ZNF804B: variants seen among roughly 807,000 people sequenced by gnomAD.
ZNF804B encodes zinc finger protein 804B.
A neutral mutation model predicts 101.4 loss-of-function variants in ZNF804B; 80 were observed. That is an observed-to-expected ratio of 0.79 (90% CI 0.66 to 0.95). ZNF804B has a LOEUF of 0.95. ZNF804B is among the 40% of genes least tolerant of loss of function. ZNF804B has a pLI of 0.00. For missense variants in ZNF804B, 1,673 were observed against 1,561.9 expected (o/e 1.07, Z -1.20); for synonymous variants, 622 against 558.8 (o/e 1.11, Z -1.59).
At chr7:88,883,551 A>G (rs982087122) in intron 1 of ZNF804B, among the ~76,000 whole-genome samples, 18 of 152,114 alleles carry the variant, frequency 1.2e-4, no homozygotes, top group African/African-American at 3.9e-4. Flanking sequence ...GGTGACCACT[A>G]TGGTGGCATT....
intron 1 of ZNF804B, among the ~76,000 whole-genome samples, chr7:88,965,591 G>C (rs949189900): frequency 6.6e-6 from 1 of 151,438 alleles, no homozygotes; most frequent in South Asian, 2.1e-4. Flanking sequence ...GAAAACAGAT[G>C]GCCCATCTGT....
At chr7:89,144,188 A>G (rs1404336524) in intron 1 of ZNF804B, among the ~76,000 whole-genome samples, 1 of 152,094 alleles carries the variant, frequency 6.6e-6, no homozygotes, top group Non-Finnish European at 1.5e-5. Flanking sequence ...GATAGATCAC[A>G]TAAACTTAAT....
At chr7:89,041,019 G>A (rs1789008503) in intron 1 of ZNF804B, among the ~76,000 whole-genome samples, 1 of 152,094 alleles carries the variant, frequency 6.6e-6, no homozygotes, top group Non-Finnish European at 1.5e-5. Flanking sequence ...GATCTGTGGG[G>A]CCAGTCTTGT....
chr7:89,204,227 A>G (rs1788685800), intron 1 of ZNF804B, among the ~76,000 whole-genome samples: 1 of 152,220 alleles, frequency 6.6e-6, no homozygotes, highest in African/African-American at 2.4e-5. Context: ...AAGTAGCTAC[A>G]TCAGGAGTAA....
intron 1 of ZNF804B, among the ~76,000 whole-genome samples, chr7:88,792,876 A>G (rs989471281): frequency 5.9e-5 from 9 of 152,070 alleles, no homozygotes; most frequent in Admixed American, 2.6e-4. Context: ...GGTCTTCCCT[A>G]AAATTTGATT....
chr7:88,795,232 A>G (rs1448033185), intron 1 of ZNF804B, among the ~76,000 whole-genome samples: 2 of 152,122 alleles, frequency 1.3e-5, no homozygotes, highest in African/African-American at 4.8e-5. Flanking sequence ...CTAGGAAAAA[A>G]CTTTGTAAAT....
At chr7:88,855,101 T>A (rs1791534702) in intron 1 of ZNF804B, among the ~76,000 whole-genome samples, 1 of 152,076 alleles carries the variant, frequency 6.6e-6, no homozygotes, top group Admixed American at 6.5e-5. Context: ...TGATTTATAA[T>A]CCTTTGGGTA....
intron 2 of ZNF804B, among the ~76,000 whole-genome samples, chr7:89,274,349 C>T (rs1156623246): frequency 8.9e-6 from 1 of 112,384 alleles, no homozygotes; most frequent in African/African-American, 3.6e-5. Flanking sequence ...TGTGATATTC[C>T]CCTTCCTGTG....
chr7:88,794,662 G>A (rs1562795419), intron 1 of ZNF804B: 1 of 1,613,824 alleles, frequency 6.2e-7, no homozygotes, highest in Admixed American at 1.7e-5. Context: ...CAGAATGGAA[G>A]TGGGATAGAT....
intron 1 of ZNF804B, among the ~76,000 whole-genome samples, chr7:89,021,949 G>C (rs1301708539): frequency 6.6e-6 from 1 of 152,194 alleles, no homozygotes; most frequent in Non-Finnish European, 1.5e-5. Context: ...ATTCCTGGCA[G>C]CTCTCTAAAC....
intron 1 of ZNF804B, among the ~76,000 whole-genome samples, chr7:89,143,989 T>A (rs1219507258): frequency 6.6e-6 from 1 of 151,990 alleles, no homozygotes; most frequent in Admixed American, 6.6e-5. Flanking sequence ...ATTAGCTACA[T>A]CTTATTACAC....
At chr7:89,132,550 C>T (rs1293721733) in intron 1 of ZNF804B, among the ~76,000 whole-genome samples, 2 of 151,922 alleles carry the variant, frequency 1.3e-5, no homozygotes, top group African/African-American at 4.8e-5. Context: ...CTGCTGTGAC[C>T]TTAGGTATTA....
intron 1 of ZNF804B, among the ~76,000 whole-genome samples, chr7:89,172,456 G>A (rs1355830750): frequency 1.3e-5 from 2 of 152,108 alleles, no homozygotes; most frequent in Non-Finnish European, 2.9e-5. Flanking sequence ...TCTATACACA[G>A]GAGGTCATTT....
At chr7:88,940,152 G>A (rs901689366) in intron 1 of ZNF804B, among the ~76,000 whole-genome samples, 10 of 151,804 alleles carry the variant, frequency 6.6e-5, no homozygotes, top group South Asian at 2.1e-4. Flanking sequence ...AGATCTAAAT[G>A]TAATAAAATT....
At chr7:89,306,649 A>G (rs1790566153) in intron 2 of ZNF804B, among the ~76,000 whole-genome samples, 1 of 152,010 alleles carries the variant, frequency 6.6e-6, no homozygotes, top group East Asian at 1.9e-4. Flanking sequence ...AAAACAGCAA[A>G]AGTTATGTAG....
At chr7:88,798,628 T>C (rs1457383210) in intron 1 of ZNF804B, among the ~76,000 whole-genome samples, 2 of 152,104 alleles carry the variant, frequency 1.3e-5, no homozygotes, top group Non-Finnish European at 2.9e-5. Flanking sequence ...CATGGCTATC[T>C]GAAAGGTTTA....
chr7:89,247,849 G>T (rs552126549), intron 2 of ZNF804B, among the ~76,000 whole-genome samples: 5 of 152,026 alleles, frequency 3.3e-5, no homozygotes, highest in Non-Finnish European at 5.9e-5. Context: ...CAACACAAAG[G>T]AATTTCTAAT....
intron 1 of ZNF804B, among the ~76,000 whole-genome samples, chr7:89,187,289 A>C (rs1462297442): frequency 6.6e-6 from 1 of 152,170 alleles, no homozygotes; most frequent in Non-Finnish European, 1.5e-5. Flanking sequence ...GAAAGAGAAT[A>C]TATTTTCTTT....
chr7:88,872,628 C>T (rs1419920556), intron 1 of ZNF804B, among the ~76,000 whole-genome samples: 3 of 151,610 alleles, frequency 2.0e-5, no homozygotes, highest in Admixed American at 6.6e-5. Context: ...CCTGCCCCCA[C>T]CCCACAACAG....
Sources: gnomAD v4.1 joint callset for allele counts (sites outside exome capture counted in the v4.1 genomes callset) on GRCh38, gnomAD v4.1.1 for gene constraint, MANE v1.5 for transcripts, NCBI Gene and HGNC (gene_info 2026-07-23, HGNC 2026-07-21) for gene names.